The following COL22A1 variants were observed in gnomAD, a reference collection of about 807,000 sequenced individuals.
COL22A1 encodes the protein collagen alpha-1(XXII) chain.
COL22A1 carries 221 observed loss-of-function variants against 248.9 expected under a neutral mutation model. The ratio of observed to expected loss-of-function variants is 0.89; its 90% CI spans 0.80 to 0.99. COL22A1 has a LOEUF of 0.99. Among genes scored for constraint, COL22A1 ranks in the 50% least tolerant of loss-of-function variants. COL22A1 has a pLI of 0.00. For synonymous variants in COL22A1, 891 were observed against 793.4 expected (o/e 1.12, Z -2.07); for missense variants, 2,240 against 2,179.0 (o/e 1.03, Z -0.56).
chr8:138,781,693 G>C (rs1035717215), intron 12 of COL22A1, among the ~76,000 whole-genome samples: 7 of 152,124 alleles, frequency 4.6e-5, no homozygotes, highest in Non-Finnish European at 1.0e-4. Context: ...CTGGGGCAGG[G>C]AATTTTGAAA....
chr8:138,709,313 A>G (rs1317515446), intron 30 of COL22A1, among the ~76,000 whole-genome samples: 1 of 152,208 alleles, frequency 6.6e-6, no homozygotes, highest in African/African-American at 2.4e-5. Flanking sequence ...ATTATAAATC[A>G]TGCTGCTATA....
At chr8:138,867,697 G>A (rs1295751456) in intron 3 of COL22A1, among the ~76,000 whole-genome samples, 1 of 152,186 alleles carries the variant, frequency 6.6e-6, no homozygotes, top group Non-Finnish European at 1.5e-5. Flanking sequence ...AGGCTGCAGT[G>A]GGAGCATTTT....
intron 42 of COL22A1, among the ~76,000 whole-genome samples, chr8:138,663,012 T>TCACACACACACACACACACACACACACA (rs1238032353): frequency 0.02 from 2,808 of 140,678 alleles, 76 homozygotes; most frequent in Middle Eastern, 0.034. Flanking sequence ...CAGGACTCTG[T>TCACACACACACACACACACACACACACA]CACTCACACA....
At chr8:138,745,873 C>T (rs971205672) in intron 22 of COL22A1, among the ~76,000 whole-genome samples, 2 of 152,210 alleles carry the variant, frequency 1.3e-5, no homozygotes, top group African/African-American at 4.8e-5. Context: ...AACTAGATGA[C>T]AGTGCTCCCT....
intron 16 of COL22A1, among the ~76,000 whole-genome samples, chr8:138,768,746 G>A (rs1379846319): frequency 1.3e-5 from 2 of 152,050 alleles, no homozygotes; most frequent in Non-Finnish European, 2.9e-5. Flanking sequence ...GACCAGCCTG[G>A]CCAACATAGT....
At chr8:138,908,463 T>C (rs1054525823) in intron 1 of COL22A1, among the ~76,000 whole-genome samples, 1 of 152,270 alleles carries the variant, frequency 6.6e-6, no homozygotes, top group African/African-American at 2.4e-5. Context: ...GCCCAAATAG[T>C]ACATCTGCTT....
chr8:138,643,643 T>TAGACAGAC (rs1554728501), intron 47 of COL22A1, among the ~76,000 whole-genome samples: 1 of 91,938 alleles, frequency 1.1e-5, no homozygotes, highest in African/African-American at 4.8e-5. Flanking sequence ...GATAGATAGA[T>TAGACAGAC]AGATAGACAG....
At position 138,871,842 on chromosome 8, in the gene COL22A1, G is replaced by A. The variant is rs75519455; in HGVS notation, c.658+5908C>T. 5.0e-3 allele frequency among the ~76,000 whole-genome samples: 763 copies of A among 152,262 alleles called. 27 individuals are homozygous for A. In the East Asian group the frequency reaches 0.096, roughly 19 times the overall value. ...GTTTTGCACTACGGAAAGAAAAAAT[G>A]TGCAAAACAGACTTTCAAGTGAACC... On this transcript the variant is annotated intron_variant, in intron 3 of 64. Transcript: ENST00000303045.
In COL22A1 at chr8:138,606,386, G is replaced by C; in HGVS notation, c.4099C>G (p.Pro1367Ala). Reference sequence around the variant, plus strand: ...CACTGGGGTTCTCTGCTTACCGGAGGCCCACGGGGACCCAGGAAGCCAGGA... The same window carrying C: ...CACTGGGGTTCTCTGCTTACCGGAGCCCCACGGGGACCCAGGAAGCCAGGA... Reference protein sequence around the residue: ...GLPGFLGPRGPPGEPGEKGVP... With the variant: ...GLPGFLGPRGAPGEPGEKGVP... Residue 1367 changes from proline to alanine, a missense_variant, in exon 58 of 65, where the codon CCT (proline) becomes GCT (alanine). Pro to Ala is a conservative substitution (Grantham distance 27). Coordinates refer to ENST00000303045, the MANE Select transcript of COL22A1 (RefSeq NM_152888.3). 6.2e-7 allele frequency: 1 copy of C among 1,612,648 alleles called. No individual in the cohort carries two copies. Among genetic ancestry groups the C allele is most frequent in the Middle Eastern group, 1.6e-4 (1 of 6,062 alleles).
At chr8:138,774,939 C>A (rs776151305) in intron 16 of COL22A1, among the ~76,000 whole-genome samples, 1 of 152,162 alleles carries the variant, frequency 6.6e-6, no homozygotes, top group Non-Finnish European at 1.5e-5. Flanking sequence ...GGGACACTCC[C>A]CATGTGTAAG....
At chr8:138,703,540 A>G (rs1828144844) in intron 30 of COL22A1, among the ~76,000 whole-genome samples, 193 bp from the exon 31 acceptor site, 2 of 152,232 alleles carry the variant, frequency 1.3e-5, no homozygotes, top group African/African-American at 4.8e-5. Context: ...TCCAAATTAT[A>G]AACTATTTCA....
chr8:138,619,365 G>C, intron 53 of COL22A1, 90 bp downstream of exon 53: 1 of 1,177,078 alleles, frequency 8.5e-7, no homozygotes, highest in Middle Eastern at 2.5e-4. Context: ...CCCACGGTTG[G>C]GCAGTCTGGG....
At chr8:138,890,236 GA>G (rs1824957819) in intron 1 of COL22A1, among the ~76,000 whole-genome samples, 1 of 152,058 alleles carries the variant, frequency 6.6e-6, no homozygotes, top group Non-Finnish European at 1.5e-5. Flanking sequence ...ACTTCCTCAG[GA>G]TAATAAAGGC....
Position 138,663,709 on chromosome 8 carries a change from G to T in COL22A1, c.3182C>A (p.Ser1061Tyr), listed in dbSNP as rs780689857. The change falls in exon 42 of 65, where the codon TCC (serine) becomes TAC (tyrosine). Residue 1061 changes from serine (S) to tyrosine (Y), a missense_variant. By Grantham distance (144) the Ser-to-Tyr change is moderately radical (BLOSUM62 -2). Transcript: ENST00000303045. ...GPSGPPGDKG[S>Y]PGSRGLPGFP... Reference sequence around the variant, plus strand: ...TTTATTTAAAGCATACTGTACCGGGGATCCTTTGTCTCCTGGTGGTCCGGA... The same window carrying T: ...TTTATTTAAAGCATACTGTACCGGGTATCCTTTGTCTCCTGGTGGTCCGGA... The T allele has an allele frequency of 3.1e-6, 5 of 1,608,976 alleles. No individual in the cohort carries two copies. In the Admixed American group the frequency reaches 8.3e-5, roughly 27 times the overall value.
At chr8:138,692,125 T>TGCA (rs1827047356) in intron 35 of COL22A1, among the ~76,000 whole-genome samples, 1 of 144,418 alleles carries the variant, frequency 6.9e-6, no homozygotes, top group African/African-American at 2.6e-5. Flanking sequence ...TGTGTATGTG[T>TGCA]GTACGTGTGT....
intron 9 of COL22A1, among the ~76,000 whole-genome samples, chr8:138,809,951 A>G (rs572470575): frequency 6.6e-6 from 1 of 152,336 alleles, no homozygotes; most frequent in East Asian, 1.9e-4. Flanking sequence ...GAAAGATCCA[A>G]TCTCTGCTAT....
At chr8:138,829,562 C>A (rs574663344) in intron 5 of COL22A1, among the ~76,000 whole-genome samples, 1 of 152,100 alleles carries the variant, frequency 6.6e-6, no homozygotes, top group South Asian at 2.1e-4. Flanking sequence ...CGCCACCACA[C>A]CTGGCTAATG....
At chr8:138,803,833 CTT>C (rs1245585893) in intron 10 of COL22A1, among the ~76,000 whole-genome samples, 5 of 152,220 alleles carry the variant, frequency 3.3e-5, no homozygotes, top group Admixed American at 3.3e-4. Flanking sequence ...CTTTATCTCT[CTT>C]GTTCCCAGCT....
intron 11 of COL22A1, among the ~76,000 whole-genome samples, chr8:138,800,688 G>A (rs1317374861): frequency 1.3e-5 from 2 of 152,118 alleles, no homozygotes; most frequent in Non-Finnish European, 2.9e-5. Context: ...ATTATGCGAT[G>A]GACCGCTTCC....
Sources: allele counts gnomAD v4.1 joint callset (sites outside exome capture counted in the v4.1 genomes callset), GRCh38; gene constraint gnomAD v4.1.1; transcripts MANE v1.5; gene names NCBI Gene and HGNC (gene_info 2026-07-23, HGNC 2026-07-21).